PUDP: variants seen among roughly 807,000 people sequenced by gnomAD.
The protein encoded by PUDP is pseudouridine 5'-phosphatase.
PUDP carries 8 observed loss-of-function variants against 9.4 expected under a neutral mutation model. That is an observed-to-expected ratio of 0.85 (90% CI 0.50 to 1.53). PUDP has a LOEUF of 1.53. Ranked by LOEUF, PUDP falls within the 40% of genes most tolerant of loss-of-function variation. PUDP has a pLI of 0.00. For missense variants in PUDP, 188 were observed against 189.7 expected, an observed-to-expected ratio of 0.99 and a Z score of 0.05; for synonymous variants, 99 against 80.7, an observed-to-expected ratio of 1.23 and a Z score of -1.22.
intron 3 of PUDP, among the ~76,000 whole-genome samples, chrX:6,731,192 C>A (rs1486610155): frequency 4.5e-5 from 5 of 112,091 alleles, no homozygotes; most frequent in African/African-American, 1.3e-4. Flanking sequence ...TGTCTCAGCC[C>A]CCTGAGTAGT....
At chrX:7,048,850 T>C (rs1406718876), downstream of PUDP, 2 of 112,432 alleles carry the variant, frequency 1.8e-5, no homozygotes, top group Non-Finnish European at 3.8e-5. Context: ...TAGTCACATA[T>C]ATATTTTACA....
rs1232799185 is a variant in PUDP, at chrX:6,906,715, T to TG, written c.*247+70417dup. Among the ~76,000 whole-genome samples, 7 of 111,630 alleles carry TG rather than the reference T, an allele frequency of 6.3e-5. 1 individual carries two copies. In the Middle Eastern group the frequency reaches 0.014, roughly 221 times the overall value. ...ATGACAACCCCAGTCCAATTTCAGCTGGGGGGAAAAGTAAAACAAAACAAA... is the reference window on the plus strand; with the variant it reads ...ATGACAACCCCAGTCCAATTTCAGCTGGGGGGGAAAAGTAAAACAAAACAAA... On this transcript the variant is annotated intron_variant and NMD_transcript_variant, in intron 3 of 3. Coordinates refer to the PUDP transcript ENST00000655425.
chrX:6,735,956 T>C (rs1924866905), intron 3 of PUDP, among the ~76,000 whole-genome samples: 2 of 108,812 alleles, frequency 1.8e-5, no homozygotes, highest in South Asian at 8.1e-4. Context: ...GGAGAATGAC[T>C]TGAGCCTGGG....
Position 6,728,130 on chromosome X carries a change from G to GA in PUDP, c.*248-21665dup, listed in dbSNP as rs1206904646. Among the ~76,000 whole-genome samples, 5 of 111,326 alleles carry GA rather than the reference G, an allele frequency of 4.5e-5. No homozygotes were observed. In the East Asian group the frequency reaches 1.1e-3, roughly 25 times the overall value. ...GTGTTACATGGTGGCAGACAAGAGAGAATGAGAACCAAGGAAAAGGGGTTT... is the reference window on the plus strand; with the variant it reads ...GTGTTACATGGTGGCAGACAAGAGAGAAATGAGAACCAAGGAAAAGGGGTTT... On this transcript the variant is annotated intron_variant and NMD_transcript_variant, in intron 3 of 3. Coordinates refer to the PUDP transcript ENST00000655425.
In PUDP at chrX:7,068,546, G is replaced by C. The variant is rs1930637401; in HGVS notation, c.510+8674C>G. 1.8e-5 allele frequency among the ~76,000 whole-genome samples: 2 copies of C among 112,053 alleles called. 1 individual carries two copies. The highest frequency in any genetic ancestry group is 7.5e-4 in the South Asian group (2 of 2,680). ...CTACAGCCTCAATTCAGGAAGGGAA[G>C]AAACGTACAAATGAGGACAAGGGAG... On this transcript the variant is annotated intron_variant, in intron 3 of 3. Transcript: ENST00000381077.
intron 3 of PUDP, among the ~76,000 whole-genome samples, chrX:6,933,680 C>G (rs1320690075): frequency 9.0e-6 from 1 of 111,152 alleles, no homozygotes; most frequent in Non-Finnish European, 1.9e-5. Context: ...AATCAAATTA[C>G]TCTGAGCTAC....
chrX:7,086,186 C>T (rs1931257496), intron 2 of PUDP, among the ~76,000 whole-genome samples: 1 of 111,914 alleles, frequency 8.9e-6, no homozygotes, highest in Non-Finnish European at 1.9e-5. Flanking sequence ...TCACATTGGT[C>T]TCTTTTCTCT....
chrX:7,129,373 T>C (rs1932562901), intron 1 of PUDP, among the ~76,000 whole-genome samples: 1 of 111,864 alleles, frequency 8.9e-6, no homozygotes, highest in Admixed American at 9.5e-5. Context: ...TTCAAGGACA[T>C]AAAAATTACC....
intron 2 of PUDP, among the ~76,000 whole-genome samples, chrX:6,978,124 G>T (rs1047981641): frequency 1.8e-5 from 2 of 112,236 alleles, no homozygotes; most frequent in Non-Finnish European, 3.8e-5. Flanking sequence ...CAAATTCCAT[G>T]GCTATGGGTT....
chrX:6,953,688 C>G (rs1018463403), intron 3 of PUDP, among the ~76,000 whole-genome samples: 1 of 111,067 alleles, frequency 9.0e-6, no homozygotes, highest in Non-Finnish European at 1.9e-5. Flanking sequence ...AAGAACATTC[C>G]CTAAGCAGCA....
intron 2 of PUDP, among the ~76,000 whole-genome samples, chrX:7,087,525 T>C (rs1309068999): frequency 8.9e-6 from 1 of 111,948 alleles, no homozygotes; most frequent in African/African-American, 3.3e-5. Flanking sequence ...GGGTTGACCC[T>C]GGAGGAGAAA....
chrX:6,874,102 C>A (rs1031178573), intron 3 of PUDP, among the ~76,000 whole-genome samples: 4 of 107,335 alleles, frequency 3.7e-5, no homozygotes, highest in Non-Finnish European at 7.7e-5. Flanking sequence ...ACACTGCACT[C>A]CAGCCTGGGC....
intron 1 of PUDP, among the ~76,000 whole-genome samples, chrX:7,028,442 G>A (rs992332388): frequency 9.0e-6 from 1 of 111,304 alleles, no homozygotes; most frequent in Non-Finnish European, 1.9e-5. Context: ...CACTAAAGCT[G>A]GCATGAGAGG....
chrX:7,103,153 G>A (rs1218731105), intron 2 of PUDP, among the ~76,000 whole-genome samples: 2 of 112,027 alleles, frequency 1.8e-5, no homozygotes, highest in African/African-American at 6.5e-5. Flanking sequence ...GGTCTCACAT[G>A]TCCTGATTTC....
At chrX:6,903,924 T>C (rs951354955) in intron 3 of PUDP, among the ~76,000 whole-genome samples, 11 of 108,260 alleles carry the variant, frequency 1.0e-4, no homozygotes, top group African/African-American at 3.4e-4. Flanking sequence ...CATGCACATG[T>C]ACCCCCAAGT....
intron 3 of PUDP, among the ~76,000 whole-genome samples, chrX:6,814,184 T>C (rs1926189647): frequency 9.0e-6 from 1 of 111,515 alleles, no homozygotes; most frequent in South Asian, 3.8e-4. Context: ...AGGTTTCTTT[T>C]TTACTGAATG....
chrX:6,993,059 C>G, intron 1 of PUDP, among the ~76,000 whole-genome samples: 1 of 111,995 alleles, frequency 8.9e-6, no homozygotes, highest in East Asian at 2.8e-4. Context: ...CTGAAGGCTG[C>G]ACTATCACCA....
At chrX:6,922,321 G>A (rs1279026907) in intron 3 of PUDP, among the ~76,000 whole-genome samples, 4 of 111,634 alleles carry the variant, frequency 3.6e-5, no homozygotes, top group Non-Finnish European at 5.6e-5. Context: ...TCTCCATGAT[G>A]TGCTTATTTC....
chrX:6,955,121 T>C (rs1372397892), intron 3 of PUDP, among the ~76,000 whole-genome samples: 3 of 112,499 alleles, frequency 2.7e-5, no homozygotes, highest in African/African-American at 6.4e-5. Context: ...ATCACCTCCC[T>C]GGGCAGATTT....
Sources: allele counts gnomAD v4.1 joint callset (sites outside exome capture counted in the v4.1 genomes callset), GRCh38; gene constraint gnomAD v4.1.1; transcripts MANE v1.5; gene names NCBI Gene and HGNC (gene_info 2026-07-23, HGNC 2026-07-21).